The following RIMS1 variants were observed in gnomAD, a reference collection of about 807,000 sequenced individuals.
RIMS1 encodes regulating synaptic membrane exocytosis protein 1.
In RIMS1, 83 loss-of-function variants were observed where a neutral mutation model predicts 214.1. The observed-to-expected ratio is 0.39, with a 90% CI of 0.32 to 0.47. RIMS1 has a LOEUF of 0.47. RIMS1 is among the 20% of genes least tolerant of loss of function. RIMS1 has a pLI of 0.99. For missense variants in RIMS1, 2,050 were observed against 2,161.8 expected (o/e 0.95, Z 1.03); for synonymous variants, 793 against 786.8 (o/e 1.01, Z -0.13).
At chr6:72,107,500 G>C (rs1486198472) in intron 4 of RIMS1, among the ~76,000 whole-genome samples, 1 of 152,170 alleles carries the variant, frequency 6.6e-6, no homozygotes, top group East Asian at 1.9e-4. Context: ...AGTGGAGGTT[G>C]CAGTGAGCCA....
chr6:72,266,181 C>T, intron 22 of RIMS1, 132 bp downstream of exon 22: 1 of 722,660 alleles, frequency 1.4e-6, no homozygotes. Flanking sequence ...TACATTTCCC[C>T]TTCCCTTATT....
chr6:72,174,014 T>C (rs1024830168), intron 4 of RIMS1, among the ~76,000 whole-genome samples: 2 of 152,162 alleles, frequency 1.3e-5, no homozygotes, highest in Admixed American at 6.6e-5. Context: ...TAGTCATCTG[T>C]TTTAATTCTA....
rs2054102323 is a variant in RIMS1, at chr6:72,212,995, A to G, written c.1679-20778A>G. 19 of 1,434,894 alleles carry G rather than the reference A, an allele frequency of 1.3e-5. No homozygotes were observed. In the Admixed American group the frequency reaches 2.4e-4, roughly 18 times the overall value. 88.9% of individuals were successfully genotyped at this position (1,434,894 alleles called of 1,614,324 possible). On this transcript the variant is annotated intron_variant, in intron 6 of 33. Transcript: ENST00000521978. ...CCATTTTCTGCTGGTCCTGTTGTTCAATGATATAAGCAGAGTGATGAAGGA... is the reference window on the plus strand; with the variant it reads ...CCATTTTCTGCTGGTCCTGTTGTTCGATGATATAAGCAGAGTGATGAAGGA...
intron 6 of RIMS1, among the ~76,000 whole-genome samples, chr6:72,227,434 T>C (rs1161615464): frequency 9.9e-5 from 12 of 121,774 alleles, no homozygotes; most frequent in African/African-American, 3.7e-4. Context: ...TGAGAGTTAG[T>C]TACCTTCTGA....
chr6:71,936,742 C>G (rs1193788097), intron 1 of RIMS1, among the ~76,000 whole-genome samples: 1 of 152,178 alleles, frequency 6.6e-6, no homozygotes, highest in African/African-American at 2.4e-5. Context: ...CTGGTGACTA[C>G]TCTTTATCCA....
At chr6:72,301,238 T>C (rs1209420846) in intron 26 of RIMS1, among the ~76,000 whole-genome samples, 1 of 151,588 alleles carries the variant, frequency 6.6e-6, no homozygotes, top group African/African-American at 2.4e-5. Context: ...ACTTACAAGT[T>C]GAAAGGGGTC....
At chr6:72,150,752 T>C (rs2043437067) in intron 4 of RIMS1, among the ~76,000 whole-genome samples, 1 of 152,206 alleles carries the variant, frequency 6.6e-6, no homozygotes, top group Non-Finnish European at 1.5e-5. Context: ...TTCCCCTAAG[T>C]CTGACTTTTT....
At chr6:72,284,912 A>C (rs190233192) in intron 24 of RIMS1, among the ~76,000 whole-genome samples, 3 of 152,336 alleles carry the variant, frequency 2.0e-5, no homozygotes, top group African/African-American at 7.2e-5. Flanking sequence ...CTTCATAAAC[A>C]GATGTCCCTT....
chr6:72,127,049 T>G (rs1052495251), intron 4 of RIMS1, among the ~76,000 whole-genome samples: 2 of 152,206 alleles, frequency 1.3e-5, no homozygotes, highest in African/African-American at 4.8e-5. Context: ...TCTCAAAGCT[T>G]CTCTATATTC....
intron 6 of RIMS1, chr6:72,217,259 T>C (rs2056534713): frequency 1.3e-6 from 2 of 1,519,946 alleles, no homozygotes; most frequent in Non-Finnish European, 1.8e-6. Context: ...CTAAATTATA[T>C]TAATCTATGG....
intron 4 of RIMS1, among the ~76,000 whole-genome samples, chr6:72,131,082 G>T (rs1448976531): frequency 1.3e-5 from 2 of 152,070 alleles, no homozygotes; most frequent in Non-Finnish European, 2.9e-5. Context: ...TTTTGACTTG[G>T]TTCCTTCCTT....
intron 4 of RIMS1, among the ~76,000 whole-genome samples, chr6:72,118,268 C>T (rs2037483220): frequency 6.6e-6 from 1 of 150,770 alleles, no homozygotes; most frequent in Non-Finnish European, 1.5e-5. Flanking sequence ...GCAGTGGTAT[C>T]TGCCATTATA....
chr6:72,381,302 A>C (rs2098483438), intron 29 of RIMS1, among the ~76,000 whole-genome samples: 1 of 151,786 alleles, frequency 6.6e-6, no homozygotes, highest in African/African-American at 2.4e-5. Context: ...GTTCTAACTT[A>C]ATCACTGCTT....
At position 72,235,644 on chromosome 6, in the gene RIMS1, A is replaced by G. The variant is rs1467221375; in HGVS notation, c.1773A>G (p.Lys591=). 4 of 1,611,194 alleles carry G rather than the reference A, an allele frequency of 2.5e-6. No homozygotes were observed. The Admixed American group carries it at 6.7e-5, about 27-fold the overall frequency. The change falls in exon 8 of 34, where the codon AAA becomes AAG. Residue 591 remains lysine, a synonymous_variant. Coordinates refer to ENST00000521978, the MANE Select transcript of RIMS1 (RefSeq NM_014989.7). ...ATCCTGTAACGTGGCAACCATCTAA[A>G]GAGGGGGACCGATTAATTGGACGTG... ...SSHPVTWQPS[K]EGDRLIGRVI...
At chr6:72,190,456 T>C (rs6940822) in intron 6 of RIMS1, among the ~76,000 whole-genome samples, 1 of 139,012 alleles carries the variant, frequency 7.2e-6, no homozygotes, top group African/African-American at 2.6e-5. Flanking sequence ...AGAGTAAAAC[T>C]CTGTCTCAAA....
intron 29 of RIMS1, among the ~76,000 whole-genome samples, chr6:72,357,141 G>C (rs2097673555): frequency 6.6e-6 from 1 of 152,130 alleles, no homozygotes; most frequent in Admixed American, 6.6e-5. Context: ...TTTAGCCTGT[G>C]GGCCAGAGAA....
At chr6:72,279,000 T>TA (rs1159499049) in intron 23 of RIMS1, among the ~76,000 whole-genome samples, 1 of 152,030 alleles carries the variant, frequency 6.6e-6, no homozygotes, top group Non-Finnish European at 1.5e-5. Context: ...AGACTTTTGT[T>TA]ACAGTATTTC....
intron 2 of RIMS1, among the ~76,000 whole-genome samples, chr6:71,993,035 G>T (rs1297478382): frequency 2.0e-5 from 3 of 152,190 alleles, no homozygotes; most frequent in Non-Finnish European, 4.4e-5. Flanking sequence ...ATGAGCAAGT[G>T]CACTTCAATC....
chr6:72,167,272 C>T (rs1397225186), intron 4 of RIMS1, among the ~76,000 whole-genome samples: 1 of 151,714 alleles, frequency 6.6e-6, no homozygotes, highest in African/African-American at 2.4e-5. Context: ...ATAAATTTCA[C>T]TTTGTAATAA....
Sources: gnomAD v4.1 joint callset for allele counts (sites outside exome capture counted in the v4.1 genomes callset) on GRCh38, gnomAD v4.1.1 for gene constraint, MANE v1.5 for transcripts, NCBI Gene and HGNC (gene_info 2026-07-23, HGNC 2026-07-21) for gene names.